Variants in PARVA observed in about 807,000 individuals in gnomAD.
PARVA encodes alpha-parvin.
PARVA carries 25 observed loss-of-function variants against 52.6 expected under a neutral mutation model. The observed-to-expected ratio is 0.48, with a 90% CI of 0.35 to 0.66. The LOEUF (loss-of-function observed/expected upper bound fraction) is 0.66. PARVA is among the 30% of genes least tolerant of loss of function. The pLI is 0.01. For synonymous variants in PARVA, 185 were observed against 179.1 expected (o/e 1.03, Z -0.26); for missense variants, 373 against 450.9 (o/e 0.83, Z 1.56).
intron 1 of PARVA, among the ~76,000 whole-genome samples, chr11:12,378,062 G>A (rs1490893662): frequency 6.6e-6 from 1 of 150,498 alleles, no homozygotes; most frequent in Non-Finnish European, 1.5e-5. Flanking sequence ...CCCCCGCCGG[G>A]CCGTGGGCGG....
chr11:12,490,310 G>A lies in PARVA; in HGVS notation c.401-6148G>A, dbSNP rs146701485. Reference sequence around the variant, plus strand: ...AGGCTGAGGCGAATGGATCACCTGAGCTCAGGAGTTCAAGACTAGCCTGAT... The same window carrying A: ...AGGCTGAGGCGAATGGATCACCTGAACTCAGGAGTTCAAGACTAGCCTGAT... On this transcript the variant is annotated intron_variant, in intron 4 of 12. Transcript: ENST00000334956. Among the ~76,000 whole-genome samples, 299 of 151,804 alleles carry A rather than the reference G, an allele frequency of 2.0e-3. 1 individual carries two copies. The highest frequency in any genetic ancestry group is 6.9e-3 in the African/African-American group (285 of 41,408).
intron 1 of PARVA, among the ~76,000 whole-genome samples, chr11:12,381,554 C>T (rs1347726092): frequency 1.3e-5 from 2 of 152,064 alleles, no homozygotes; most frequent in Non-Finnish European, 2.9e-5. Flanking sequence ...GGACATTGAC[C>T]CCCTGTACAG....
At chr11:12,449,121 G>A (rs2135012314) in intron 1 of PARVA, among the ~76,000 whole-genome samples, 1 of 151,562 alleles carries the variant, frequency 6.6e-6, no homozygotes, top group African/African-American at 2.4e-5. Flanking sequence ...TTTACCAAAA[G>A]GGGCATTTAT....
Position 12,473,767 on chromosome 11 carries a change from A to T in PARVA, c.159A>T (p.Gly53=). ...AKEVSELQEE[G]MNAINLPLSP... is the part of the protein sequence containing the mutation. The stretch of plus-strand genomic sequence containing the variant: ...CAGTGTCCGAGCTGCAGGAGGAGGG[A>T]ATGAACGCCATCAACCTGCCCCTCA... The change falls in exon 2 of 13, where the codon GGA becomes GGT. Residue 53 remains glycine (G), a synonymous_variant. Transcript: ENST00000334956. 1 of 1,567,260 alleles carries T rather than the reference A, an allele frequency of 6.4e-7. No homozygotes were observed. Among genetic ancestry groups the T allele is most frequent in the Non-Finnish European group, 8.7e-7 (1 of 1,155,256 alleles).
chr11:12,434,777 TCCCCAA>T (rs1470807532), intron 1 of PARVA, among the ~76,000 whole-genome samples: 1 of 152,030 alleles, frequency 6.6e-6, no homozygotes, highest in Non-Finnish European at 1.5e-5. Flanking sequence ...CCACTGCCAA[TCCCCAA>T]CCCCTTTTGT....
chr11:12,513,955 GTGCGAGTCCCCAGCTTAGGGCC>G lies in PARVA; in HGVS notation c.799-38_799-17del, dbSNP rs1388741497. On this transcript the variant is annotated intron_variant, in intron 9 of 12. Coordinates refer to ENST00000334956, the MANE Select transcript of PARVA (RefSeq NM_018222.5). The stretch of plus-strand genomic sequence containing the variant: ...GGAGCAGCCACAGGCTCCTGCACTA[GTGCGAGTCCCCAGCTTAGGGCC>G]TGCTTTGCTTCTCTTTTAGACACTC... 1 of 1,376,694 alleles carries G rather than the reference GTGCGAGTCCCCAGCTTAGGGCC, an allele frequency of 7.3e-7. No individual in the cohort carries two copies. The highest frequency in any genetic ancestry group is 2.3e-5 in the African/African-American group (1 of 43,996). 85.3% of individuals were successfully genotyped at this position (1,376,694 alleles called of 1,614,324 possible).
At chr11:12,442,879 T>C (rs1035703206) in intron 1 of PARVA, among the ~76,000 whole-genome samples, 4 of 151,798 alleles carry the variant, frequency 2.6e-5, no homozygotes, top group African/African-American at 9.7e-5. Context: ...TTTTTTTTTT[T>C]TGAGATGGAG....
chr11:12,524,171 C>T (rs776374256), intron 12 of PARVA, among the ~76,000 whole-genome samples: 52 of 152,224 alleles, frequency 3.4e-4, no homozygotes, highest in Admixed American at 2.2e-3. Context: ...CACGGCTATA[C>T]ATAGCAGCTC....
chr11:12,408,697 T>C (rs906540684), intron 1 of PARVA, among the ~76,000 whole-genome samples: 3 of 152,166 alleles, frequency 2.0e-5, no homozygotes, highest in Admixed American at 6.5e-5. Context: ...TACTAAGCCC[T>C]ATGTTAGGGG....
At chr11:12,443,636 T>G (rs2135006752) in intron 1 of PARVA, among the ~76,000 whole-genome samples, 1 of 149,938 alleles carries the variant, frequency 6.7e-6, no homozygotes, top group East Asian at 2.2e-4. Flanking sequence ...CATGCTTTTA[T>G]TTTACTGATA....
chr11:12,503,687 T>C (rs918807782), intron 5 of PARVA, among the ~76,000 whole-genome samples: 1 of 151,816 alleles, frequency 6.6e-6, no homozygotes. Flanking sequence ...TGAGCTAGGA[T>C]TGTACCACTG....
At chr11:12,512,454 C>G (rs983349462) in intron 8 of PARVA, among the ~76,000 whole-genome samples, 4 of 152,200 alleles carry the variant, frequency 2.6e-5, no homozygotes. Context: ...GCCTCGCACC[C>G]TCCCAGCCCC....
At chr11:12,457,724 C>T (rs1337849115) in intron 1 of PARVA, among the ~76,000 whole-genome samples, 2 of 152,244 alleles carry the variant, frequency 1.3e-5, no homozygotes, top group Non-Finnish European at 2.9e-5. Flanking sequence ...CAGGTCCTGG[C>T]AGGACAGTGG....
At chr11:12,400,955 T>A (rs1250888662) in intron 1 of PARVA, among the ~76,000 whole-genome samples, 2 of 152,150 alleles carry the variant, frequency 1.3e-5, no homozygotes, top group African/African-American at 2.4e-5. Context: ...TGGCAATAAA[T>A]GTTGACCTGT....
chr11:12,417,867 G>A (rs1457421358), intron 1 of PARVA, among the ~76,000 whole-genome samples: 1 of 152,134 alleles, frequency 6.6e-6, no homozygotes, highest in African/African-American at 2.4e-5. Context: ...GCCCCTTCTA[G>A]CTGGGCAGCT....
chr11:12,399,090 C>T (rs1939789864), intron 1 of PARVA, among the ~76,000 whole-genome samples: 1 of 152,188 alleles, frequency 6.6e-6, no homozygotes, highest in South Asian at 2.1e-4. Context: ...GGATTCAAAC[C>T]AAGATTGTCG....
intron 1 of PARVA, among the ~76,000 whole-genome samples, chr11:12,423,618 A>G (rs1940185495): frequency 6.6e-6 from 1 of 152,126 alleles, no homozygotes; most frequent in African/African-American, 2.4e-5. Context: ...TTAGTTCATT[A>G]ACCAATTTAG....
At chr11:12,429,514 T>G (rs1479302980) in intron 1 of PARVA, among the ~76,000 whole-genome samples, 1 of 152,210 alleles carries the variant, frequency 6.6e-6, no homozygotes, top group Non-Finnish European at 1.5e-5. Context: ...ATATCAACAC[T>G]GTTTATTGTA....
rs755089491 is a variant in PARVA, at chr11:12,396,906, C to CT, written c.136+19124dup. 2.3e-3 allele frequency among the ~76,000 whole-genome samples: 336 copies of CT among 148,682 alleles called. 2 individuals are homozygous for CT. The highest frequency in any genetic ancestry group is 3.6e-3 in the African/African-American group (146 of 40,056). On this transcript the variant is annotated intron_variant, in intron 1 of 12. Coordinates refer to ENST00000334956, the MANE Select transcript of PARVA (RefSeq NM_018222.5). ...TTGTTCTTTCTTCCTTTCTTCCTTTCTCCTTTCCTTTCATGTACTTGTTTT... is the reference window on the plus strand; with the variant it reads ...TTGTTCTTTCTTCCTTTCTTCCTTTCTTCCTTTCCTTTCATGTACTTGTTTT...
Sources: allele counts gnomAD v4.1 joint callset (sites outside exome capture counted in the v4.1 genomes callset), GRCh38; gene constraint gnomAD v4.1.1; transcripts MANE v1.5; gene names NCBI Gene and HGNC (gene_info 2026-07-23, HGNC 2026-07-21).